DLGAP2: variants seen among roughly 807,000 people sequenced by gnomAD.
The protein encoded by DLGAP2 is DLG associated protein 2.
Under a neutral mutation model 100.3 loss-of-function variants are expected in DLGAP2, and 26 were observed. The observed-to-expected ratio is 0.26, with a 90% CI of 0.19 to 0.36. The LOEUF (loss-of-function observed/expected upper bound fraction) is 0.36, where lower values mean the gene tolerates loss of function less well. Among genes scored for constraint, DLGAP2 ranks in the 10% least tolerant of loss-of-function variants. The pLI, the probability that DLGAP2 is intolerant of heterozygous loss-of-function variation, is 1.00. For missense variants in DLGAP2, 1,858 were observed against 1,453.2 expected (o/e 1.28, Z -4.53); for synonymous variants, 886 against 630.1 (o/e 1.41, Z -6.08).
intron 3 of DLGAP2, among the ~76,000 whole-genome samples, chr8:1,390,953 T>G (rs1331756683): frequency 6.6e-6 from 1 of 152,176 alleles, no homozygotes; most frequent in Non-Finnish European, 1.5e-5. Context: ...ATGGCAGCAC[T>G]GAAATCAGAA....
At chr8:1,652,979 G>T (rs17064176) in intron 8 of DLGAP2, among the ~76,000 whole-genome samples, 53,098 of 151,948 alleles carry the variant, frequency 0.35, 9,294 homozygotes, top group East Asian at 0.39. Context: ...CATGAGAGTC[G>T]CAATTTCCTG....
intron 2 of DLGAP2, among the ~76,000 whole-genome samples, chr8:979,750 G>A (rs1800275731): frequency 6.6e-6 from 1 of 152,234 alleles, no homozygotes; most frequent in Non-Finnish European, 1.5e-5. Context: ...CCTTTCTCTT[G>A]CATGCAGTTT....
intron 1 of DLGAP2, among the ~76,000 whole-genome samples, chr8:793,694 C>T (rs749345036): frequency 6.6e-6 from 1 of 152,224 alleles, no homozygotes; most frequent in South Asian, 2.1e-4. Context: ...TTATAGATTT[C>T]CCTGACGGAG....
chr8:816,763 G>T (rs545274548), intron 1 of DLGAP2, among the ~76,000 whole-genome samples: 1 of 152,268 alleles, frequency 6.6e-6, no homozygotes, highest in African/African-American at 2.4e-5. Context: ...TGGGTGTCTA[G>T]ATCTCTAGTA....
chr8:1,122,649 A>G (rs1796077372), intron 2 of DLGAP2, among the ~76,000 whole-genome samples: 1 of 152,178 alleles, frequency 6.6e-6, no homozygotes, highest in Non-Finnish European at 1.5e-5. Flanking sequence ...ACAAGGTAGA[A>G]CTGATACTTC....
intron 2 of DLGAP2, among the ~76,000 whole-genome samples, chr8:1,004,561 T>G (rs990389976): frequency 2.6e-5 from 4 of 152,220 alleles, no homozygotes; most frequent in African/African-American, 9.6e-5. Context: ...ACGACTCTCT[T>G]GAGTTTCAGA....
chr8:778,040 T>G (rs1198151175), intron 1 of DLGAP2, among the ~76,000 whole-genome samples: 10 of 55,614 alleles, frequency 1.8e-4, no homozygotes, highest in Non-Finnish European at 3.3e-4. Context: ...TTGGAGGCTT[T>G]GCTCATTTCT....
intron 3 of DLGAP2, among the ~76,000 whole-genome samples, chr8:1,373,062 G>C (rs1585310410): frequency 6.6e-6 from 1 of 152,348 alleles, no homozygotes; most frequent in South Asian, 2.1e-4. Context: ...GTTTCTTCTG[G>C]AGTGCGGAGG....
chr8:1,045,860 C>T (rs1802499412), intron 2 of DLGAP2, among the ~76,000 whole-genome samples: 1 of 152,244 alleles, frequency 6.6e-6, no homozygotes, highest in Non-Finnish European at 1.5e-5. Flanking sequence ...GGACGGCGCC[C>T]CCTGGTTGCT....
chr8:881,492 CTCTCTTTTTT>C (rs766451446), intron 1 of DLGAP2, among the ~76,000 whole-genome samples: 3 of 128,150 alleles, frequency 2.3e-5, no homozygotes, highest in Non-Finnish European at 1.6e-5. Flanking sequence ...ACCATTTCAT[CTCTCTTTTTT>C]TTTTTTTTTT....
intron 1 of DLGAP2, among the ~76,000 whole-genome samples, chr8:897,162 A>T (rs1305896157): frequency 6.6e-6 from 1 of 152,038 alleles, no homozygotes; most frequent in Non-Finnish European, 1.5e-5. Context: ...TTTCATGGAG[A>T]TGCTGGAATC....
chr8:1,676,559 G>A lies in DLGAP2; in HGVS notation c.2229G>A (p.Thr743=), dbSNP rs372484845. ...SDVETATDSD[T]ESRGLREYHS... is the part of the protein sequence containing the mutation. Reference sequence around the variant, plus strand: ...TGGAAACGGCCACAGATTCTGACACGGAGAGCCGCGGTCTGCGGGAATACC... The same window carrying A: ...TGGAAACGGCCACAGATTCTGACACAGAGAGCCGCGGTCTGCGGGAATACC... The change falls in exon 11 of 15, where the codon ACG becomes ACA. Residue 743 remains threonine, a synonymous_variant. Coordinates refer to ENST00000637795, the MANE Select transcript of DLGAP2 (RefSeq NM_001346810.2). 5.8e-5 allele frequency: 94 copies of A among 1,613,468 alleles called. No homozygotes were observed. Among genetic ancestry groups the A allele is most frequent in the Admixed American group, 1.0e-4 (6 of 59,980 alleles).
chr8:849,949 A>G (rs936916152), intron 1 of DLGAP2, among the ~76,000 whole-genome samples: 4 of 151,638 alleles, frequency 2.6e-5, no homozygotes, highest in African/African-American at 9.7e-5. Context: ...CTGTAATTCC[A>G]GCTACTTGGG....
At chr8:1,560,033 C>T (rs1002270554) in intron 5 of DLGAP2, among the ~76,000 whole-genome samples, 1 of 152,114 alleles carries the variant, frequency 6.6e-6, no homozygotes, top group African/African-American at 2.4e-5. Context: ...TCTCCTGTAC[C>T]GAATTGTAAT....
rs76061283 is a variant in DLGAP2 at position 1,062,859 on chromosome 8, C to G, written c.73+154893C>G. ...GTAATTCTAAGGAGGCAAGTTCAGT[C>G]TTCAGCTATAACCATTTTCCCAATA... On this transcript the variant is annotated intron_variant, in intron 2 of 14. Coordinates refer to ENST00000637795, the MANE Select transcript of DLGAP2 (RefSeq NM_001346810.2). 1.2e-3 allele frequency among the ~76,000 whole-genome samples: 189 copies of G among 152,296 alleles called. 1 individual carries two copies. The highest frequency in any genetic ancestry group is 4.3e-3 in the African/African-American group (179 of 41,580).
chr8:1,512,282 A>G (rs1332453094), intron 4 of DLGAP2, among the ~76,000 whole-genome samples: 3 of 152,356 alleles, frequency 2.0e-5, no homozygotes, highest in African/African-American at 7.2e-5. Context: ...AAACTTAAAA[A>G]TAACCCATGA....
At chr8:1,049,885 C>T (rs891124253) in intron 2 of DLGAP2, among the ~76,000 whole-genome samples, 1 of 152,180 alleles carries the variant, frequency 6.6e-6, no homozygotes, top group Admixed American at 6.5e-5. Context: ...CACACAAGTA[C>T]ATATGTGTAC....
chr8:1,177,956 G>A (rs1011753482), intron 2 of DLGAP2, among the ~76,000 whole-genome samples: 5 of 152,254 alleles, frequency 3.3e-5, no homozygotes, highest in Non-Finnish European at 7.3e-5. Context: ...AGGCCTCAGT[G>A]ATCGACATCT....
At chr8:826,352 T>C (rs1040409192) in intron 1 of DLGAP2, among the ~76,000 whole-genome samples, 2 of 152,222 alleles carry the variant, frequency 1.3e-5, no homozygotes, top group Non-Finnish European at 2.9e-5. Flanking sequence ...TTGATTTTCA[T>C]TGTTGTGTTT....
Sources: gnomAD v4.1 joint callset for allele counts (sites outside exome capture counted in the v4.1 genomes callset) on GRCh38, gnomAD v4.1.1 for gene constraint, MANE v1.5 for transcripts, NCBI Gene and HGNC (gene_info 2026-07-23, HGNC 2026-07-21) for gene names.